The following C12orf50 variants were observed in gnomAD, a reference collection of about 807,000 sequenced individuals.
C12orf50 encodes uncharacterized protein C12orf50.
In C12orf50, 35 loss-of-function variants were observed where a neutral mutation model predicts 61.6. That is an observed-to-expected ratio of 0.57 (90% CI 0.43 to 0.75). The LOEUF is 0.75. C12orf50 is among the 30% of genes least tolerant of loss of function. The pLI, the probability that C12orf50 is intolerant of heterozygous loss-of-function variation, is 0.00. For missense variants in C12orf50, 475 were observed against 488.5 expected (o/e 0.97, Z 0.26); for synonymous variants, 178 against 161.5 (o/e 1.10, Z -0.77).
intron 6 of C12orf50, 64 bp from the exon 7 acceptor site, chr12:87,994,807 G>A: frequency 9.9e-7 from 1 of 1,009,476 alleles, no homozygotes; most frequent in Non-Finnish European, 1.5e-6. Flanking sequence ...AGAAATTTAT[G>A]ATAGAATGCA....
intron 3 of C12orf50, among the ~76,000 whole-genome samples, chr12:88,013,975 C>T (rs1223213444): frequency 6.6e-6 from 1 of 151,992 alleles, no homozygotes; most frequent in East Asian, 1.9e-4. Flanking sequence ...TATAAGAGAA[C>T]AAGTTTCAGA....
Position 87,996,464 on chromosome 12 carries a change from G to A in C12orf50, c.391C>T (p.Pro131Ser), listed in dbSNP as rs1565746135. ...KSGEYYRFHT[P>S]PDILSSKSMT... ...CTTTTTGATGACAAAATATCTGGAG[G>A]AGTATGAAATCTGTAGTATTCCCCT... The change falls in exon 6 of 13, where the codon CCT (proline) becomes TCT (serine). Residue 131 changes from proline to serine, a missense_variant. By Grantham distance (74) the Pro-to-Ser change is moderately conservative. Coordinates refer to ENST00000298699, the MANE Select transcript of C12orf50 (RefSeq NM_152589.3). The A allele has an allele frequency of 1.2e-6, 2 of 1,612,642 alleles. No homozygotes were observed. Among genetic ancestry groups the A allele is most frequent in the Non-Finnish European group, 1.7e-6 (2 of 1,178,952 alleles).
chr12:88,027,200 T>C, intron 1 of C12orf50, 130 bp from the exon 2 acceptor site: 1 of 962,392 alleles, frequency 1.0e-6, no homozygotes, highest in Non-Finnish European at 1.4e-6. Flanking sequence ...ACACTATCAA[T>C]TTTAGGCCAT....
At chr12:88,016,870 G>T (rs1479722306) in intron 3 of C12orf50, among the ~76,000 whole-genome samples, 2 of 152,204 alleles carry the variant, frequency 1.3e-5, no homozygotes, top group Admixed American at 1.3e-4. Flanking sequence ...TAAGAAAGTA[G>T]AACAAGGCAA....
At chr12:87,993,929 G>A (rs888951430) in intron 7 of C12orf50, among the ~76,000 whole-genome samples, 1 of 152,144 alleles carries the variant, frequency 6.6e-6, no homozygotes, top group African/African-American at 2.4e-5. Flanking sequence ...ACTGGGCTCG[G>A]TGGCTCGTGC....
intron 9 of C12orf50, among the ~76,000 whole-genome samples, chr12:87,986,983 T>C (rs1367858136): frequency 6.6e-6 from 1 of 152,154 alleles, no homozygotes; most frequent in Non-Finnish European, 1.5e-5. Flanking sequence ...ATTTTATATG[T>C]ATTCTCAATT....
chr12:87,992,470 T>A (rs1486685133), intron 7 of C12orf50, among the ~76,000 whole-genome samples: 1 of 152,154 alleles, frequency 6.6e-6, no homozygotes, highest in Non-Finnish European at 1.5e-5. Flanking sequence ...TGTACACATA[T>A]ACAGTATATG....
chr12:88,010,403 A>T (rs1168261725), intron 3 of C12orf50, among the ~76,000 whole-genome samples: 3 of 115,794 alleles, frequency 2.6e-5, no homozygotes, highest in African/African-American at 6.5e-5. Context: ...ATAATCTTAT[A>T]ATAAGATTAT....
intron 3 of C12orf50, among the ~76,000 whole-genome samples, chr12:88,021,671 C>T (rs2032522378): frequency 6.6e-6 from 1 of 151,806 alleles, no homozygotes; most frequent in African/African-American, 2.4e-5. Flanking sequence ...TTACCACTGA[C>T]CCCACAGAAA....
intron 9 of C12orf50, 102 bp downstream of exon 9, chr12:87,987,748 C>A: frequency 3.8e-6 from 3 of 787,238 alleles, no homozygotes; most frequent in African/African-American, 1.8e-5. Flanking sequence ...ATTTTTAAAC[C>A]TTTTTTCTTT....
intron 1 of C12orf50, among the ~76,000 whole-genome samples, chr12:88,028,372 TATC>T (rs2032782777): frequency 2.0e-5 from 3 of 152,200 alleles, no homozygotes; most frequent in Admixed American, 2.0e-4. Flanking sequence ...AAACCAGACA[TATC>T]ATCTTTTTCA....
chr12:88,022,510 A>C (rs556058310), intron 3 of C12orf50, among the ~76,000 whole-genome samples: 22 of 152,260 alleles, frequency 1.4e-4, no homozygotes, highest in African/African-American at 5.3e-4. Flanking sequence ...GCCAGAGCAA[A>C]CAGGCAAGAG....
chr12:87,994,161 C>G (rs2031269215), intron 7 of C12orf50, among the ~76,000 whole-genome samples: 1 of 151,964 alleles, frequency 6.6e-6, no homozygotes. Context: ...GATCGCACCA[C>G]TGCACTCCAG....
intron 8 of C12orf50, 84 bp downstream of exon 8, chr12:87,989,180 C>T: frequency 1.1e-6 from 1 of 912,132 alleles, no homozygotes; most frequent in Non-Finnish European, 1.7e-6. Flanking sequence ...TACCATTCCT[C>T]TATTGGTTTT....
intron 3 of C12orf50, among the ~76,000 whole-genome samples, chr12:88,021,578 C>A (rs1296386191): frequency 6.6e-6 from 1 of 151,794 alleles, no homozygotes; most frequent in East Asian, 1.9e-4. Flanking sequence ...CCAGAGGTTG[C>A]AGTGAGCCAA....
intron 3 of C12orf50, among the ~76,000 whole-genome samples, chr12:88,017,264 A>G (rs1023952639): frequency 6.6e-6 from 1 of 151,886 alleles, no homozygotes; most frequent in African/African-American, 2.4e-5. Flanking sequence ...ATGATAGTGA[A>G]TAAGTCTCAT....
intron 3 of C12orf50, among the ~76,000 whole-genome samples, chr12:88,011,208 G>A (rs2032097473): frequency 6.6e-6 from 1 of 151,502 alleles, no homozygotes; most frequent in Non-Finnish European, 1.5e-5. Context: ...GTGTATCAGA[G>A]TTTTTTTTAA....
intron 7 of C12orf50, among the ~76,000 whole-genome samples, chr12:87,993,513 AG>A (rs2031233509): frequency 6.6e-6 from 1 of 152,210 alleles, no homozygotes; most frequent in African/African-American, 2.4e-5. Flanking sequence ...TAAAACAGCT[AG>A]ACTAAAACTG....
intron 3 of C12orf50, among the ~76,000 whole-genome samples, chr12:88,006,008 C>G (rs1321399685): frequency 6.6e-6 from 1 of 151,372 alleles, no homozygotes; most frequent in African/African-American, 2.4e-5. Flanking sequence ...GCTCCGCCTC[C>G]CGGGTTCACG....
Sources: gnomAD v4.1 joint callset for allele counts (sites outside exome capture counted in the v4.1 genomes callset) on GRCh38, gnomAD v4.1.1 for gene constraint, MANE v1.5 for transcripts, NCBI Gene and HGNC (gene_info 2026-07-23, HGNC 2026-07-21) for gene names.